Variants in NUDT5 observed in about 807,000 individuals in gnomAD.
NUDT5 encodes nudix hydrolase 5, also known as ADP-sugar pyrophosphatase.
Under a neutral mutation model 34.1 loss-of-function variants are expected in NUDT5, and 21 were observed. That is an observed-to-expected ratio of 0.62 (90% CI 0.44 to 0.89). NUDT5 has a LOEUF of 0.89. Among genes scored for constraint, NUDT5 ranks in the 40% least tolerant of loss-of-function variants. The pLI, the probability that NUDT5 is intolerant of heterozygous loss-of-function variation, is 0.00. For missense variants in NUDT5, 249 were observed against 274.8 expected (o/e 0.91, Z 0.66); for synonymous variants, 85 against 97.6 (o/e 0.87, Z 0.76).
rs1211956844 is a variant in NUDT5 at position 12,170,098 on chromosome 10, T to TC, written c.550+618dup. 2 of 1,610,588 alleles carry TC rather than the reference T, an allele frequency of 1.2e-6. No individual in the cohort carries two copies. Among genetic ancestry groups the TC allele is most frequent in the African/African-American group, 2.7e-5 (2 of 74,894 alleles). On this transcript the variant is annotated intron_variant, in intron 9 of 9. Transcript: ENST00000491614. This position sits in a 1 kb window ranked among gnomAD's most constrained non-coding sequence, Gnocchi z 4.9. Reference sequence around the variant, plus strand: ...TCTCCTCATGTCTCCATACAGTATCTCCTCTCGTGGTTTTATCAAAGGACT... The same window carrying TC: ...TCTCCTCATGTCTCCATACAGTATCTCCCTCTCGTGGTTTTATCAAAGGACT...
rs368364775 is a variant in NUDT5, at chr10:12,170,672, C to T, written c.550+45G>A. ...AGTACCCAGTTTGCTGGGATGGGGA[C>T]GGGGAGAACTGGAGAAACTGGGTGG... On this transcript the variant is annotated intron_variant, in intron 9 of 9. Coordinates refer to ENST00000491614, the MANE Select transcript of NUDT5 (RefSeq NM_014142.4). The surrounding 1 kb of genome is among the most constrained non-coding windows in gnomAD (Gnocchi z 4.9). 33 of 1,577,800 alleles carry T rather than the reference C, an allele frequency of 2.1e-5. No individual in the cohort carries two copies. The highest frequency in any genetic ancestry group is 1.5e-4 in the South Asian group (14 of 90,328).
chr10:12,194,917 C>T (rs997803072), intron 1 of NUDT5, among the ~76,000 whole-genome samples: 2 of 152,098 alleles, frequency 1.3e-5, no homozygotes, highest in Non-Finnish European at 2.9e-5. Flanking sequence ...AAACCCAGCA[C>T]TTTGGGAGGC....
At chr10:12,179,962 G>C (rs1016659441) in intron 3 of NUDT5, among the ~76,000 whole-genome samples, 2 of 152,184 alleles carry the variant, frequency 1.3e-5, no homozygotes, top group Admixed American at 1.3e-4. Flanking sequence ...TAAGAGACCA[G>C]AGTGGAGAAG....
chr10:12,183,897 A>G (rs554491504), intron 3 of NUDT5, among the ~76,000 whole-genome samples: 80 of 152,212 alleles, frequency 5.3e-4, no homozygotes, highest in Non-Finnish European at 9.4e-4. Context: ...AGACGGCTGC[A>G]GAGATTTTAC....
At position 12,171,634 on chromosome 10, in the gene NUDT5, A is replaced by T. The variant is rs1363002554; in HGVS notation, c.488-726T>A. Among the ~76,000 whole-genome samples, 1 of 152,248 alleles carries T rather than the reference A, an allele frequency of 6.6e-6. No homozygotes were observed. Among genetic ancestry groups the T allele is most frequent in the South Asian group, 2.1e-4 (1 of 4,824 alleles). Reference sequence around the variant, plus strand: ...TATCTAATATGCTGAGGAACTGCCAAACTTTTCCACAGTGTCTCATATGTA... The same window carrying T: ...TATCTAATATGCTGAGGAACTGCCATACTTTTCCACAGTGTCTCATATGTA... On this transcript the variant is annotated intron_variant, in intron 7 of 9. Coordinates refer to ENST00000491614, the MANE Select transcript of NUDT5 (RefSeq NM_014142.4). This position sits in a 1 kb window ranked among gnomAD's most constrained non-coding sequence, Gnocchi z 4.2.
intron 2 of NUDT5, 24 bp downstream of exon 2, chr10:12,186,205 G>T (rs367725800): frequency 1.3e-6 from 2 of 1,557,550 alleles, no homozygotes; most frequent in Admixed American, 3.3e-5. Context: ...GGGGAGGGAA[G>T]GGAAAGTGAA....
chr10:12,182,553 A>G lies in NUDT5; in HGVS notation c.131+2336T>C, dbSNP rs536149932. On this transcript the variant is annotated intron_variant, in intron 3 of 9. Coordinates refer to ENST00000491614, the MANE Select transcript of NUDT5 (RefSeq NM_014142.4). The surrounding 1 kb of genome is among the most constrained non-coding windows in gnomAD (Gnocchi z 4.3). ...GAATGGACATGACCATGCTATAAATATGGTAGTTTGGTGGATTTTAGAGCC... is the reference window on the plus strand; with the variant it reads ...GAATGGACATGACCATGCTATAAATGTGGTAGTTTGGTGGATTTTAGAGCC... Among the ~76,000 whole-genome samples, 1 of 152,246 alleles carries G rather than the reference A, an allele frequency of 6.6e-6. No individual in the cohort carries two copies. The highest frequency in any genetic ancestry group is 1.9e-4 in the East Asian group (1 of 5,186).
intron 5 of NUDT5, among the ~76,000 whole-genome samples, chr10:12,177,400 T>C (rs544472422): frequency 3.1e-4 from 47 of 151,796 alleles, no homozygotes; most frequent in East Asian, 1.4e-3. Flanking sequence ...GCGCCTGTAG[T>C]CCCAGCCACT....
rs977836684 is a variant in NUDT5, at chr10:12,182,655, A to G, written c.131+2234T>C. Among the ~76,000 whole-genome samples, 10 of 152,228 alleles carry G rather than the reference A, an allele frequency of 6.6e-5. No individual in the cohort carries two copies. The highest frequency in any genetic ancestry group is 2.4e-4 in the African/African-American group (10 of 41,468). ...TCAGAAAAGTCCCCATATGATTCTG[A>G]TGTACATCCCTGATTAGGAAATGCA... On this transcript the variant is annotated intron_variant, in intron 3 of 9. Coordinates refer to ENST00000491614, the MANE Select transcript of NUDT5 (RefSeq NM_014142.4). This position sits in a 1 kb window ranked among gnomAD's most constrained non-coding sequence, Gnocchi z 4.3.
rs1007526386 is a variant in NUDT5 at position 12,168,570 on chromosome 10, G to A, written c.551-759C>T. ...GCGGTCTCAGGACCTTATTACCACAGGCTTTCATTAAAATTTGTTTCACTC... is the reference window on the plus strand; with the variant it reads ...GCGGTCTCAGGACCTTATTACCACAAGCTTTCATTAAAATTTGTTTCACTC... On this transcript the variant is annotated intron_variant, in intron 9 of 9. Transcript: ENST00000491614. The surrounding 1 kb of genome is among the most constrained non-coding windows in gnomAD (Gnocchi z 4.8). Among the ~76,000 whole-genome samples the A allele has an allele frequency of 1.3e-5, 2 of 152,110 alleles. No homozygotes were observed. Among genetic ancestry groups the A allele is most frequent in the African/African-American group, 4.8e-5 (2 of 41,408 alleles).
chr10:12,179,062 G>A (rs2131707436), intron 4 of NUDT5, 21 bp downstream of exon 4: 1 of 1,606,392 alleles, frequency 6.2e-7, no homozygotes, highest in South Asian at 1.1e-5. Flanking sequence ...CTAAAGGGTT[G>A]GAATAGGTTT....
intron 1 of NUDT5, among the ~76,000 whole-genome samples, chr10:12,190,312 A>G (rs1237526651): frequency 6.6e-6 from 1 of 152,208 alleles, no homozygotes; most frequent in African/African-American, 2.4e-5. Context: ...TTGGATGTGT[A>G]ATTCTCCAGA....
At chr10:12,177,476 G>A (rs567461970) in intron 5 of NUDT5, among the ~76,000 whole-genome samples, 78 of 152,166 alleles carry the variant, frequency 5.1e-4, no homozygotes, top group Non-Finnish European at 8.8e-4. Flanking sequence ...CCGAGATCGT[G>A]CCACTGCACT....
intron 1 of NUDT5, among the ~76,000 whole-genome samples, chr10:12,190,083 C>T (rs1450708735): frequency 1.3e-5 from 2 of 152,162 alleles, no homozygotes; most frequent in Admixed American, 6.5e-5. Context: ...TTAGGAGAGA[C>T]GGGGTTTCAC....
Position 12,168,315 on chromosome 10 carries a change from C to T in NUDT5, c.551-504G>A, listed in dbSNP as rs1834760959. 6.6e-6 allele frequency among the ~76,000 whole-genome samples: 1 copy of T among 152,194 alleles called. No homozygotes were observed. Among genetic ancestry groups the T allele is most frequent in the Admixed American group, 6.5e-5 (1 of 15,280 alleles). On this transcript the variant is annotated intron_variant, in intron 9 of 9. Transcript: ENST00000491614. This position sits in a 1 kb window ranked among gnomAD's most constrained non-coding sequence, Gnocchi z 4.8. Reference sequence around the variant, plus strand: ...CTGGGATTACAGGCGTGAGCTACCGCACCCAGCCAGGGATGATTTTATGTG... The same window carrying T: ...CTGGGATTACAGGCGTGAGCTACCGTACCCAGCCAGGGATGATTTTATGTG...
intron 1 of NUDT5, among the ~76,000 whole-genome samples, chr10:12,194,824 G>A (rs1835302371): frequency 6.6e-6 from 1 of 152,214 alleles, no homozygotes; most frequent in Non-Finnish European, 1.5e-5. Flanking sequence ...CCTCGCGCAA[G>A]CCTAAAGCTC....
rs1834832281 is a variant in NUDT5, at chr10:12,170,457, T to G, written c.550+260A>C. ...TCGTTTTGGCTACTCAGCAGGAATG[T>G]CATCTGGGCCATTCTGTAGGAGAAA... is the stretch of plus-strand genomic sequence containing the variant. On this transcript the variant is annotated intron_variant, in intron 9 of 9. Transcript: ENST00000491614. The surrounding 1 kb of genome is among the most constrained non-coding windows in gnomAD (Gnocchi z 4.9). 1.6e-6 allele frequency: 1 copy of G among 613,882 alleles called. No individual in the cohort carries two copies. Among genetic ancestry groups the G allele is most frequent in the African/African-American group, 1.9e-5 (1 of 53,916 alleles). The allele number at this position is 613,882 out of a possible 1,614,324, so 38.0% of individuals were successfully genotyped here.
chr10:12,170,601 T>A lies in NUDT5; in HGVS notation c.550+116A>T, dbSNP rs1043614803. On this transcript the variant is annotated intron_variant, in intron 9 of 9. Coordinates refer to ENST00000491614, the MANE Select transcript of NUDT5 (RefSeq NM_014142.4). The surrounding 1 kb of genome is among the most constrained non-coding windows in gnomAD (Gnocchi z 4.9). ...CTGCAGTTTTACAAGTTGCTAGGCA[T>A]TTGACTTTAGTGATACAAAAAAGAT... 13 of 1,007,866 alleles carry A rather than the reference T, an allele frequency of 1.3e-5. No homozygotes were observed. The highest frequency in any genetic ancestry group is 2.0e-5 in the Non-Finnish European group (13 of 639,616). 62.4% of individuals were successfully genotyped at this position (1,007,866 alleles called of 1,614,324 possible).
chr10:12,167,485 A>T lies in NUDT5; in HGVS notation c.*217T>A. On this transcript the variant is annotated 3_prime_UTR_variant, in exon 10 of 10. Transcript: ENST00000491614. ...AATTGGAGTAAACATACTTGCATTT[A>T]TATTCTTTGTTAATTTTAGCTGGAG... The T allele has an allele frequency of 2.0e-6, 1 of 495,220 alleles. No individual in the cohort carries two copies. The highest frequency in any genetic ancestry group is 3.6e-6 in the Non-Finnish European group (1 of 278,958). 30.7% of individuals were successfully genotyped at this position (495,220 alleles called of 1,614,324 possible).
Sources: allele counts gnomAD v4.1 joint callset (sites outside exome capture counted in the v4.1 genomes callset), GRCh38; gene constraint gnomAD v4.1.1; non-coding constraint Gnocchi (gnomAD v3.1); transcripts MANE v1.5; gene names NCBI Gene and HGNC (gene_info 2026-07-23, HGNC 2026-07-21).